DLC1: variants seen among roughly 807,000 people sequenced by gnomAD.
DLC1 encodes the protein DLC1 Rho GTPase activating protein, also known as rho GTPase-activating protein 7.
A neutral mutation model predicts 140.3 loss-of-function variants in DLC1; 54 were observed. The observed-to-expected ratio is 0.38, with a 90% CI of 0.31 to 0.48. The LOEUF (loss-of-function observed/expected upper bound fraction) is 0.48. Ranked by LOEUF, DLC1 falls within the 20% of genes least tolerant of loss-of-function variation. The pLI is 0.96. For missense variants in DLC1, 2,536 were observed against 1,907.0 expected (o/e 1.33, Z -6.14); for synonymous variants, 986 against 728.1 (o/e 1.35, Z -5.70).
chr8:13,278,982 T>C (rs1302789967), intron 5 of DLC1, among the ~76,000 whole-genome samples: 1 of 152,224 alleles, frequency 6.6e-6, no homozygotes, highest in Non-Finnish European at 1.5e-5. Context: ...CGGAGCCGTC[T>C]GCCTCAAAAA....
At chr8:13,574,436 A>G (rs1453255582) in intron 1 of DLC1, among the ~76,000 whole-genome samples, 3 of 152,136 alleles carry the variant, frequency 2.0e-5, no homozygotes, top group South Asian at 2.1e-4. Context: ...GGGGTTGGAT[A>G]TCTTTTCTCC....
At chr8:13,456,700 C>T (rs112702193) in intron 2 of DLC1, among the ~76,000 whole-genome samples, 71 of 152,290 alleles carry the variant, frequency 4.7e-4, no homozygotes, top group African/African-American at 1.3e-3. Context: ...TTCAAATGAT[C>T]CACCTGCCTC....
Position 13,154,275 on chromosome 8 carries a change from G to A in DLC1, c.1349-38618C>T, listed in dbSNP as rs572156507. ...CGGGAGGCACCCATCAGGGAGACTC[G>A]GGCCTGCGGGAGCCCGCTGCGGTGG... On this transcript the variant is annotated intron_variant, in intron 5 of 17. Transcript: ENST00000276297. Among the ~76,000 whole-genome samples the A allele has an allele frequency of 5.3e-5, 8 of 152,348 alleles. No homozygotes were observed. The East Asian group carries it at 7.7e-4, about 15-fold the overall frequency.
chr8:13,481,304 G>A (rs528019215), intron 2 of DLC1, among the ~76,000 whole-genome samples: 1 of 152,210 alleles, frequency 6.6e-6, no homozygotes, highest in East Asian at 1.9e-4. Context: ...GTGCATGCCT[G>A]TAGTTTTAGC....
intron 6 of DLC1, 98 bp from the exon 7 acceptor site, chr8:13,110,921 A>G (rs1585653458): frequency 9.4e-7 from 1 of 1,059,236 alleles, no homozygotes; most frequent in Non-Finnish European, 1.5e-6. Context: ...CTTCAGCAAT[A>G]TACTAAGCAC....
chr8:13,539,173 TTGTA>T (rs759659556), intron 1 of DLC1, among the ~76,000 whole-genome samples: 1 of 110,390 alleles, frequency 9.1e-6, no homozygotes, highest in African/African-American at 3.7e-5. Flanking sequence ...GATCTGCAAA[TTGTA>T]TGTATGTGTG....
At position 13,100,317 on chromosome 8, in the gene DLC1, G is replaced by C. The variant is rs923704659; in HGVS notation, c.2020C>G (p.Leu674Val). The C allele has an allele frequency of 2.5e-6, 4 of 1,614,056 alleles. No homozygotes were observed. Among genetic ancestry groups the C allele is most frequent in the Non-Finnish European group, 3.4e-6 (4 of 1,180,054 alleles). Residue 674 changes from leucine (L) to valine (V), a missense_variant, in exon 9 of 18, where the codon CTG (leucine) becomes GTG (valine). Transcript: ENST00000276297. ...CTGTGATGGGAGCTCTTGAGCTTCA[G>C]GCTCTCCATCCGTTTCAGCAGACTG... ...TRSLLKRMES[L>V]KLKSSHHSKH...
chr8:13,151,632 G>C (rs1468038507), intron 5 of DLC1, among the ~76,000 whole-genome samples: 3 of 152,208 alleles, frequency 2.0e-5, no homozygotes, highest in African/African-American at 7.2e-5. Flanking sequence ...ATCAGTATCT[G>C]AGCTTGAGCT....
intron 1 of DLC1, among the ~76,000 whole-genome samples, chr8:13,600,962 T>C (rs551413958): frequency 3.3e-5 from 5 of 151,904 alleles, no homozygotes; most frequent in Non-Finnish European, 7.4e-5. Flanking sequence ...ATTTAATTTA[T>C]ATTTTATTAT....
chr8:13,312,884 C>T (rs1346903388), intron 4 of DLC1, among the ~76,000 whole-genome samples: 1 of 152,038 alleles, frequency 6.6e-6, no homozygotes, highest in East Asian at 1.9e-4. Flanking sequence ...GGCTGATTTC[C>T]AGTGAGGATG....
chr8:13,411,720 A>G (rs1391176727), intron 2 of DLC1, among the ~76,000 whole-genome samples: 1 of 152,170 alleles, frequency 6.6e-6, no homozygotes, highest in Non-Finnish European at 1.5e-5. Context: ...ATATGAAACA[A>G]AATAAAGAAA....
At chr8:13,135,453 T>A (rs1822492316) in intron 5 of DLC1, among the ~76,000 whole-genome samples, 1 of 152,138 alleles carries the variant, frequency 6.6e-6, no homozygotes, top group Non-Finnish European at 1.5e-5. Context: ...AGTGCTGGGA[T>A]AACAGGCGTG....
At chr8:13,097,470 G>C (rs1818600797) in intron 10 of DLC1, among the ~76,000 whole-genome samples, 1 of 151,932 alleles carries the variant, frequency 6.6e-6, no homozygotes, top group South Asian at 2.1e-4. Context: ...CGCCATGTTG[G>C]CCAGGCTGGT....
chr8:13,372,056 C>T (rs1190846668), intron 4 of DLC1, among the ~76,000 whole-genome samples: 2 of 152,088 alleles, frequency 1.3e-5, no homozygotes, highest in Non-Finnish European at 2.9e-5. Context: ...GGGCATCGTG[C>T]ATGTGACTTG....
chr8:13,238,267 C>T lies in DLC1; in HGVS notation c.1348+67002G>A, dbSNP rs545138794. ...ATAATATAAAACTAAAGCCTATTAGCTCTACAAACTAATTTTGGTCATCCT... is the reference window on the plus strand; with the variant it reads ...ATAATATAAAACTAAAGCCTATTAGTTCTACAAACTAATTTTGGTCATCCT... On this transcript the variant is annotated intron_variant, in intron 5 of 17. Transcript: ENST00000276297. Among the ~76,000 whole-genome samples the T allele has an allele frequency of 7.9e-5, 12 of 152,274 alleles. No homozygotes were observed. The South Asian group carries it at 2.5e-3, about 32-fold the overall frequency.
At chr8:13,304,996 C>A (rs994963231) in intron 5 of DLC1, 8 of 1,085,628 alleles carry the variant, frequency 7.4e-6, no homozygotes, top group Non-Finnish European at 7.8e-6. Context: ...ACATTTAATT[C>A]TTTTGCTTAA....
intron 2 of DLC1, among the ~76,000 whole-genome samples, chr8:13,405,862 C>A: frequency 7.0e-6 from 1 of 142,188 alleles, no homozygotes; most frequent in South Asian, 2.7e-4. Context: ...GTCTTTCTCT[C>A]TTTTCTTTTC....
At chr8:13,227,967 G>A (rs1828871801) in intron 5 of DLC1, among the ~76,000 whole-genome samples, 1 of 152,140 alleles carries the variant, frequency 6.6e-6, no homozygotes, top group Admixed American at 6.5e-5. Flanking sequence ...TCTACTGAAT[G>A]TCTTTATCAC....
At chr8:13,285,031 A>T (rs1052886711) in intron 5 of DLC1, among the ~76,000 whole-genome samples, 1 of 152,210 alleles carries the variant, frequency 6.6e-6, no homozygotes, top group Non-Finnish European at 1.5e-5. Flanking sequence ...TGACAAGTTG[A>T]TTCTAATGTA....
Sources: allele counts gnomAD v4.1 joint callset (sites outside exome capture counted in the v4.1 genomes callset), GRCh38; gene constraint gnomAD v4.1.1; transcripts MANE v1.5; gene names NCBI Gene and HGNC (gene_info 2026-07-23, HGNC 2026-07-21).